Variants in IGFL2 observed in about 807,000 individuals in gnomAD.
The protein encoded by IGFL2 is IGF like family member 2, also known as insulin growth factor-like family member 2.
Under a neutral mutation model 13.9 loss-of-function variants are expected in IGFL2, and 7 were observed. The observed-to-expected ratio is 0.51, with a 90% CI of 0.29 to 0.95. The LOEUF is 0.95. Among genes scored for constraint, IGFL2 ranks in the 40% least tolerant of loss-of-function variants. IGFL2 has a pLI of 0.08. For missense variants in IGFL2, 138 were observed against 147.8 expected (o/e 0.93, Z 0.34); for synonymous variants, 55 against 55.8 (o/e 0.99, Z 0.07).
At chr19:46,144,608 T>A (rs891740223), upstream of IGFL2, among the ~76,000 whole-genome samples, 5 of 152,238 alleles carry the variant, frequency 3.3e-5, no homozygotes, top group Non-Finnish European at 7.3e-5. Flanking sequence ...ATAAAATATG[T>A]ATTCAAAATT....
upstream of IGFL2, among the ~76,000 whole-genome samples, chr19:46,139,005 C>A (rs1174251216): frequency 1.3e-5 from 2 of 152,076 alleles, no homozygotes; most frequent in Non-Finnish European, 2.9e-5. Context: ...GCTCTCTCTG[C>A]CAGCGCAAAT....
chr19:46,196,022 G>T, the IGFL2 span: 1 of 152,290 alleles, frequency 6.6e-6, no homozygotes, highest in Non-Finnish European at 1.5e-5. Flanking sequence ...GAGGGTGGAG[G>T]GAGCATCGGT....
At chr19:46,195,942 G>A in the IGFL2 span, 1 of 152,324 alleles carries the variant, frequency 6.6e-6, no homozygotes, top group African/African-American at 2.4e-5. Context: ...GGAGGGTGAG[G>A]ACGACCCCAG....
the IGFL2 span, among the ~76,000 whole-genome samples, chr19:46,167,402 G>GGTA: frequency 3.3e-5 from 5 of 152,198 alleles, no homozygotes; most frequent in Admixed American, 6.5e-5. Flanking sequence ...CGTGGTGGCA[G>GGTA]GTAGACTATA....
chr19:46,139,070 G>A (rs918014332), upstream of IGFL2, among the ~76,000 whole-genome samples: 4 of 152,096 alleles, frequency 2.6e-5, no homozygotes, highest in African/African-American at 9.7e-5. Context: ...TCTCTGGCAA[G>A]AGTGGGCCAC....
At chr19:46,148,773 G>T in intron 1 of IGFL2, 2 of 1,194,430 alleles carry the variant, frequency 1.7e-6, no homozygotes, top group Non-Finnish European at 2.3e-6. Context: ...TGTGGATAGG[G>T]TTGGGGGCTC....
At chr19:46,085,817 G>T in the IGFL2 span, among the ~76,000 whole-genome samples, 3 of 152,124 alleles carry the variant, frequency 2.0e-5, no homozygotes, top group Non-Finnish European at 4.4e-5. Context: ...GGCAGGTCTG[G>T]CAGTAATGAA....
the IGFL2 span, among the ~76,000 whole-genome samples, chr19:46,133,736 A>G: frequency 6.6e-6 from 1 of 152,252 alleles, no homozygotes; most frequent in Non-Finnish European, 1.5e-5. Context: ...TCTATTCTCA[A>G]TTAGACTGGG....
the IGFL2 span, among the ~76,000 whole-genome samples, chr19:46,178,625 A>G: frequency 2.0e-5 from 3 of 152,204 alleles, no homozygotes; most frequent in Admixed American, 2.0e-4. Context: ...TCATCTACAT[A>G]AAAAGAACCT....
At chr19:46,106,612 G>A in the IGFL2 span, among the ~76,000 whole-genome samples, 1 of 152,168 alleles carries the variant, frequency 6.6e-6, no homozygotes, top group African/African-American at 2.4e-5. Context: ...GCACTATGGG[G>A]TGGATAGGCA....
intron 1 of IGFL2, among the ~76,000 whole-genome samples, chr19:46,158,597 G>T (rs992120616): frequency 3.9e-5 from 6 of 152,182 alleles, no homozygotes; most frequent in Admixed American, 1.3e-4. Context: ...ATATGGAAAG[G>T]CAGAGGAACT....
the IGFL2 span, among the ~76,000 whole-genome samples, chr19:46,175,657 G>T: frequency 5.0e-3 from 757 of 151,996 alleles, 4 homozygotes; most frequent in African/African-American, 0.017. Flanking sequence ...TCCTGCCTCA[G>T]CCTCCCGAGC....
At chr19:46,146,287 C>T (rs1055323312), upstream of IGFL2, among the ~76,000 whole-genome samples, 1 of 152,054 alleles carries the variant, frequency 6.6e-6, no homozygotes, top group Admixed American at 6.6e-5. Context: ...TTTCTGGAAC[C>T]TATTCTGTTC....
chr19:46,096,495 A>G, the IGFL2 span, among the ~76,000 whole-genome samples: 1,177 of 152,128 alleles, frequency 7.7e-3, 11 homozygotes, highest in Middle Eastern at 0.014. Flanking sequence ...CTCTCTTCCT[A>G]TTTGAATACT....
At chr19:46,106,806 G>C in the IGFL2 span, among the ~76,000 whole-genome samples, 1 of 152,122 alleles carries the variant, frequency 6.6e-6, no homozygotes, top group East Asian at 1.9e-4. Flanking sequence ...TATTGGCGTT[G>C]AGCATGGTAA....
the IGFL2 span, among the ~76,000 whole-genome samples, chr19:46,078,797 C>T: frequency 6.6e-6 from 1 of 152,246 alleles, no homozygotes; most frequent in African/African-American, 2.4e-5. Flanking sequence ...GCGGCGCCCA[C>T]CTTGCAGTGC....
the IGFL2 span, among the ~76,000 whole-genome samples, chr19:46,093,427 A>G: frequency 6.6e-6 from 1 of 152,208 alleles, no homozygotes; most frequent in African/African-American, 2.4e-5. Flanking sequence ...GACATCTACA[A>G]AAATCCTACA....
chr19:46,124,613 G>T, the IGFL2 span: 2 of 1,604,884 alleles, frequency 1.2e-6, no homozygotes, highest in African/African-American at 1.4e-5. Flanking sequence ...TTGGATTTGG[G>T]GTCCTACTTG....
At chr19:46,107,491 A>G in the IGFL2 span, among the ~76,000 whole-genome samples, 3 of 152,360 alleles carry the variant, frequency 2.0e-5, no homozygotes, top group Middle Eastern at 3.4e-3. Context: ...CCCAGTGGCC[A>G]GATTTCCAGC....
Sources: gnomAD v4.1 joint callset for allele counts (sites outside exome capture counted in the v4.1 genomes callset) on GRCh38, gnomAD v4.1.1 for gene constraint, MANE v1.5 for transcripts, NCBI Gene and HGNC (gene_info 2026-07-23, HGNC 2026-07-21) for gene names.